The following VKORC1L1 variants were observed in gnomAD, a reference collection of about 807,000 sequenced individuals.
VKORC1L1 encodes the protein vitamin K epoxide reductase complex subunit 1L1, also known as vitamin K epoxide reductase complex subunit 1-like protein 1.
VKORC1L1 carries 2 observed loss-of-function variants against 18.9 expected under a neutral mutation model. That is an observed-to-expected ratio of 0.11 (90% CI 0.04 to 0.33). VKORC1L1 has a LOEUF of 0.33. Among genes scored for constraint, VKORC1L1 ranks in the 10% least tolerant of loss-of-function variants. The pLI is 1.00. For synonymous variants in VKORC1L1, 96 were observed against 100.0 expected, an observed-to-expected ratio of 0.96 and a Z score of 0.24; for missense variants, 123 against 224.1, an observed-to-expected ratio of 0.55 and a Z score of 2.88.
At chr7:65,908,239 C>T (rs572763733) in intron 1 of VKORC1L1, among the ~76,000 whole-genome samples, 3 of 152,006 alleles carry the variant, frequency 2.0e-5, no homozygotes, top group African/African-American at 4.8e-5. Flanking sequence ...AAGGTGAAAC[C>T]GCCGTCCCTA....
In VKORC1L1 at chr7:65,878,103, G is replaced by A. The variant is rs537645562; in HGVS notation, c.194+4538G>A. On this transcript the variant is annotated intron_variant, in intron 1 of 2. Coordinates refer to ENST00000360768, the MANE Select transcript of VKORC1L1 (RefSeq NM_173517.6). ...ACCTCTCCCATATCTTAAAAAAAAA[G>A]TACCATCTATTTACTACCCCATTGA... Among the ~76,000 whole-genome samples the A allele has an allele frequency of 3.5e-4, 54 of 152,122 alleles. 1 individual carries two copies. Among genetic ancestry groups the A allele is most frequent in the Admixed American group, 5.9e-4 (9 of 15,274 alleles).
intron 1 of VKORC1L1, among the ~76,000 whole-genome samples, chr7:65,908,963 G>A (rs1474422131): frequency 5.3e-5 from 8 of 150,044 alleles, no homozygotes; most frequent in African/African-American, 1.7e-4. Flanking sequence ...GCTGAATTAC[G>A]TTTTAATAAT....
chr7:65,917,759 G>C (rs888910802), intron 1 of VKORC1L1, among the ~76,000 whole-genome samples: 1 of 152,096 alleles, frequency 6.6e-6, no homozygotes, highest in Non-Finnish European at 1.5e-5. Flanking sequence ...CATATCATTA[G>C]TTCATTATTT....
chr7:65,887,025 G>A (rs1217074839), intron 1 of VKORC1L1, among the ~76,000 whole-genome samples: 1 of 143,876 alleles, frequency 7.0e-6, no homozygotes, highest in Admixed American at 7.0e-5. Flanking sequence ...GATTTTACAT[G>A]TTTTTAGTAG....
chr7:65,905,878 ATACT>A (rs745698699), intron 1 of VKORC1L1, among the ~76,000 whole-genome samples: 1 of 152,160 alleles, frequency 6.6e-6, no homozygotes, highest in East Asian at 1.9e-4. Context: ...TGCTTGTAGG[ATACT>A]TACTTTATCT....
chr7:65,930,128 G>T (rs538469992), intron 1 of VKORC1L1, among the ~76,000 whole-genome samples: 1 of 152,242 alleles, frequency 6.6e-6, no homozygotes, highest in African/African-American at 2.4e-5. Context: ...TTGGTCTTGT[G>T]CCGGGTAACC....
intron 1 of VKORC1L1, 88 bp downstream of exon 1, chr7:65,873,653 C>A (rs1417509519): frequency 2.5e-6 from 3 of 1,187,146 alleles, no homozygotes; most frequent in Non-Finnish European, 3.2e-6. Context: ...GGAGCTCAGG[C>A]CTGGGGGCGG....
chr7:65,949,418 G>A (rs1790176752), intron 2 of VKORC1L1, among the ~76,000 whole-genome samples: 1 of 152,070 alleles, frequency 6.6e-6, no homozygotes, highest in Non-Finnish European at 1.5e-5. Context: ...GACGGAGGTT[G>A]TAGTGAGCTG....
intron 1 of VKORC1L1, among the ~76,000 whole-genome samples, chr7:65,941,673 GTTTTTTTT>G (rs57537567): frequency 1.5e-5 from 1 of 66,476 alleles, no homozygotes; most frequent in Non-Finnish European, 2.8e-5. Context: ...TTTTCTTAAG[GTTTTTTTT>G]TTTTTTTTTT....
In VKORC1L1 at chr7:65,954,228, C is replaced by G; in HGVS notation, c.459C>G (p.Leu153=). ...IVTYVLNFLL[L]IINYKRLVYL... is the part of the protein sequence containing the mutation. ...CGTACGTGCTGAACTTCCTTCTTCT[C>G]ATTATCAACTACAAACGACTAGTTT... Residue 153 remains leucine (L), a synonymous_variant, in exon 3 of 3, where the codon CTC becomes CTG. Transcript: ENST00000360768. The G allele has an allele frequency of 6.2e-7, 1 of 1,613,700 alleles. No individual in the cohort carries two copies. The highest frequency in any genetic ancestry group is 8.5e-7 in the Non-Finnish European group (1 of 1,179,796).
At chr7:65,942,058 A>C (rs1190257448) in intron 1 of VKORC1L1, among the ~76,000 whole-genome samples, 3 of 152,162 alleles carry the variant, frequency 2.0e-5, no homozygotes, top group Non-Finnish European at 4.4e-5. Flanking sequence ...ATGTATAATG[A>C]TGCTCCAATA....
chr7:65,872,469 C>T (rs1460107214), upstream of VKORC1L1, among the ~76,000 whole-genome samples: 5 of 151,958 alleles, frequency 3.3e-5, no homozygotes, highest in Non-Finnish European at 7.4e-5. Context: ...CCCACCACGA[C>T]ACCGGGCTAA....
chr7:65,867,830 T>G, the VKORC1L1 span, among the ~76,000 whole-genome samples: 1 of 152,130 alleles, frequency 6.6e-6, no homozygotes, highest in Non-Finnish European at 1.5e-5. Flanking sequence ...GGAGCAATGT[T>G]AAAGTTATGT....
chr7:65,902,447 T>C (rs1273061721), intron 1 of VKORC1L1, among the ~76,000 whole-genome samples: 2 of 151,704 alleles, frequency 1.3e-5, no homozygotes, highest in Non-Finnish European at 2.9e-5. Context: ...CTGTCCAAAA[T>C]GAGAACAGAA....
In VKORC1L1 at chr7:65,954,233, T is replaced by C; in HGVS notation, c.464T>C (p.Ile155Thr). 1 of 1,614,176 alleles carries C rather than the reference T, an allele frequency of 6.2e-7. No homozygotes were observed. Among genetic ancestry groups the C allele is most frequent in the Non-Finnish European group, 8.5e-7 (1 of 1,180,032 alleles). Residue 155 changes from isoleucine (I) to threonine (T), a missense_variant, in exon 3 of 3, where the codon ATC becomes ACC. Around this residue, in one of 4 missense-constraint regions of VKORC1L1, gnomAD observed 41 missense variants for 61.6 expected, o/e 0.67. Transcript: ENST00000360768. ...TYVLNFLLLI[I>T]NYKRLVYLNE... is the part of the protein sequence containing the mutation. ...GTGCTGAACTTCCTTCTTCTCATTA[T>C]CAACTACAAACGACTAGTTTACTTG...
chr7:65,915,546 G>A (rs2115594822), intron 1 of VKORC1L1, among the ~76,000 whole-genome samples: 1 of 152,028 alleles, frequency 6.6e-6, no homozygotes, highest in Non-Finnish European at 1.5e-5. Flanking sequence ...AAGTAGCTGG[G>A]ACTACAGGCG....
chr7:65,919,533 C>G (rs1789641441), intron 1 of VKORC1L1, among the ~76,000 whole-genome samples: 1 of 152,112 alleles, frequency 6.6e-6, no homozygotes, highest in South Asian at 2.1e-4. Flanking sequence ...TCATCTTAGA[C>G]CATTTTCTTG....
At chr7:65,901,163 G>A (rs1423863340) in intron 1 of VKORC1L1, among the ~76,000 whole-genome samples, 1 of 152,200 alleles carries the variant, frequency 6.6e-6, no homozygotes, top group East Asian at 1.9e-4. Flanking sequence ...TTTGTTCGGT[G>A]TTATAAAGAG....
chr7:65,938,274 A>G (rs1047231625), intron 1 of VKORC1L1, among the ~76,000 whole-genome samples: 1 of 152,244 alleles, frequency 6.6e-6, no homozygotes, highest in Non-Finnish European at 1.5e-5. Context: ...ATCAGAGACT[A>G]AGAGAGAACA....
Sources: gnomAD v4.1 joint callset for allele counts (sites outside exome capture counted in the v4.1 genomes callset) on GRCh38, gnomAD v4.1.1 for gene constraint, gnomAD v4.1.1 regional missense constraint, MANE v1.5 for transcripts, NCBI Gene and HGNC (gene_info 2026-07-23, HGNC 2026-07-21) for gene names.